The following GSTA1 variants were observed in gnomAD, a reference collection of about 807,000 sequenced individuals.
GSTA1 encodes the protein glutathione S-transferase alpha 1.
Under a neutral mutation model 21.5 loss-of-function variants are expected in GSTA1, and 23 were observed. That is an observed-to-expected ratio of 1.07 (90% CI 0.77 to 1.52). The LOEUF (loss-of-function observed/expected upper bound fraction) is 1.52, where lower values mean the gene tolerates loss of function less well. GSTA1 is among the 40% of genes most tolerant of loss of function. The pLI is 0.00. For synonymous variants in GSTA1, 125 were observed against 90.0 expected, an observed-to-expected ratio of 1.39 and a Z score of -2.20; for missense variants, 301 against 264.2, an observed-to-expected ratio of 1.14 and a Z score of -0.96.
rs530976533 is a variant in GSTA1 at position 52,792,350 on chromosome 6, T to A, written c.547-370A>T. 2.0e-5 allele frequency among the ~76,000 whole-genome samples: 3 copies of A among 152,202 alleles called. No homozygotes were observed. The South Asian group carries it at 6.2e-4, about 32-fold the overall frequency. ...ATGGGGAAATTATTTGGGAAGGGAA[T>A]AGTTATAGAAAATATTAAAGACAAA... is the stretch of plus-strand genomic sequence containing the variant. On this transcript the variant is annotated intron_variant, in intron 6 of 6. Transcript: ENST00000334575.
rs779192203 is a variant in GSTA1 at position 52,799,179 on chromosome 6, A to C, written c.87+2T>G. The C allele has an allele frequency of 1.1e-5, 17 of 1,613,178 alleles. No homozygotes were observed. The highest frequency in any genetic ancestry group is 1.4e-5 in the Non-Finnish European group (17 of 1,179,366). ...CTTAAGATGACCTAACTCAGAACCT[A>C]CCTCTACTCCAGCTGCAGCCAGGAG... is the stretch of plus-strand genomic sequence containing the variant. On this transcript the variant is annotated splice_donor_variant, in intron 2 of 6. Coordinates refer to ENST00000334575, the MANE Select transcript of GSTA1 (RefSeq NM_145740.5). LOFTEE classifies it high-confidence loss of function.
rs699335 is a variant in GSTA1, at chr6:52,791,826, A to G, written c.*32T>C. On this transcript the variant is annotated 3_prime_UTR_variant, in exon 7 of 7. Transcript: ENST00000334575. Reference sequence around the variant, plus strand: ...TGTTGCAAAACTTTAGAACATTGGTATTGCAAGTTCTTGGCCTCCATGACT... The same window carrying G: ...TGTTGCAAAACTTTAGAACATTGGTGTTGCAAGTTCTTGGCCTCCATGACT... 6.2e-7 allele frequency: 1 copy of G among 1,612,912 alleles called. No individual in the cohort carries two copies. Among genetic ancestry groups the G allele is most frequent in the African/African-American group, 1.3e-5 (1 of 74,830 alleles).
rs1348988867 is a variant in GSTA1, at chr6:52,794,285, C to A, written c.273-19G>T. The A allele has an allele frequency of 3.1e-6, 5 of 1,603,468 alleles. No individual in the cohort carries two copies. The highest frequency in any genetic ancestry group is 4.3e-6 in the Non-Finnish European group (5 of 1,174,034). On this transcript the variant is annotated intron_variant, in intron 4 of 6. Transcript: ENST00000334575. The stretch of plus-strand genomic sequence containing the variant: ...ATCAATCCTGAAAGACAGAAACAAC[C>A]AAATGGTCAAATACCTTTTGCCTTA...
rs1763489895 is a variant in GSTA1 at position 52,792,849 on chromosome 6, G to A, written c.546+7C>T. The A allele has an allele frequency of 1.9e-6, 3 of 1,613,848 alleles. No homozygotes were observed. The highest frequency in any genetic ancestry group is 1.3e-5 in the African/African-American group (1 of 75,024). The stretch of plus-strand genomic sequence containing the variant: ...GGGCTGCCTCTCTGGGCTGTGAAAT[G>A]GGTCACCTTCAGCAGAGGGAAGCTG... On this transcript the variant is annotated splice_region_variant and intron_variant, in intron 6 of 6. Coordinates refer to ENST00000334575, the MANE Select transcript of GSTA1 (RefSeq NM_145740.5).
intron 1 of GSTA1, among the ~76,000 whole-genome samples, chr6:52,799,814 C>T (rs1763671197): frequency 1.3e-5 from 2 of 152,320 alleles, no homozygotes; most frequent in African/African-American, 2.4e-5. Flanking sequence ...AATGAAGTCA[C>T]TCCTGGAAGC....
chr6:52,796,507 G>A (rs1357740354), intron 3 of GSTA1, among the ~76,000 whole-genome samples, 193 bp from the exon 4 acceptor site: 23 of 6,054 alleles, frequency 3.8e-3, no homozygotes, highest in Middle Eastern at 0.056. Context: ...GTGTGTGTGT[G>A]TGTGTGTGTG....
chr6:52,796,033 T>C, intron 4 of GSTA1, 149 bp downstream of exon 4: 11 of 1,142,048 alleles, frequency 9.6e-6, no homozygotes, highest in Non-Finnish European at 1.4e-5. Context: ...CTCATCTCCA[T>C]GGGACTCTGC....
Position 52,792,080 on chromosome 6 carries a change from G to A in GSTA1, c.547-100C>T, listed in dbSNP as rs113275844. The A allele has an allele frequency of 5.6e-4, 858 of 1,527,034 alleles. 4 individuals carry two copies. In the African/African-American group the frequency reaches 0.011, roughly 19 times the overall value. 94.6% of individuals were successfully genotyped at this position (1,527,034 alleles called of 1,614,324 possible). A position where few individuals can be genotyped will look rare whatever the true frequency, so the allele number is the denominator to read the frequency against. On this transcript the variant is annotated intron_variant, in intron 6 of 6. Transcript: ENST00000334575. ...AGCCCCTCCTGCAAAGACCAAGTGA[G>A]TCTGCTCCATCAGCACAAGCATGGA...
chr6:52,792,785 C>A, intron 6 of GSTA1, 71 bp downstream of exon 6: 1 of 1,611,898 alleles, frequency 6.2e-7, no homozygotes, highest in South Asian at 1.1e-5. Context: ...CTTGGTCAGT[C>A]GCAGGGCCCA....
intron 1 of GSTA1, among the ~76,000 whole-genome samples, chr6:52,800,958 T>G (rs1763701156): frequency 6.6e-6 from 1 of 152,206 alleles, no homozygotes; most frequent in Non-Finnish European, 1.5e-5. Flanking sequence ...CTTGGCTCAC[T>G]GCAAACTCAG....
At chr6:52,802,505 G>C (rs907939803) in intron 1 of GSTA1, among the ~76,000 whole-genome samples, 1 of 152,188 alleles carries the variant, frequency 6.6e-6, no homozygotes, top group African/African-American at 2.4e-5. Flanking sequence ...ACAGCAATGG[G>C]TGTTTGCTCT....
At chr6:52,797,767 G>T (rs530174101) in intron 2 of GSTA1, 130 bp from the exon 3 acceptor site, 63 of 722,376 alleles carry the variant, frequency 8.7e-5, no homozygotes, top group Middle Eastern at 7.5e-4. Flanking sequence ...CACAGAGGGG[G>T]CTGGTCATGG....
chr6:52,800,265 G>A (rs975822184), intron 1 of GSTA1, among the ~76,000 whole-genome samples: 11 of 152,168 alleles, frequency 7.2e-5, no homozygotes, highest in African/African-American at 2.7e-4. Flanking sequence ...GGTTTTTAAA[G>A]TAACTTTCTC....
At chr6:52,797,460 A>G in intron 3 of GSTA1, 126 bp downstream of exon 3, 1 of 641,962 alleles carries the variant, frequency 1.6e-6, no homozygotes, top group Non-Finnish European at 2.8e-6. Flanking sequence ...CATTTTAACC[A>G]CTTTCTCCCT....
intron 4 of GSTA1, among the ~76,000 whole-genome samples, chr6:52,795,462 C>T (rs9463833): frequency 0.44 from 66,665 of 151,866 alleles, 17,115 homozygotes; most frequent in East Asian, 0.7. Flanking sequence ...GATGTATTTT[C>T]GATTATTTGG....
chr6:52,792,716 C>A, intron 6 of GSTA1, 140 bp downstream of exon 6: 1 of 1,595,144 alleles, frequency 6.3e-7, no homozygotes, highest in Non-Finnish European at 8.5e-7. Context: ...AAATTGGAGC[C>A]TGGAAGCTCA....
chr6:52,794,352 G>A, intron 4 of GSTA1, 86 bp from the exon 5 acceptor site: 4 of 1,368,378 alleles, frequency 2.9e-6, no homozygotes, highest in Non-Finnish European at 4.0e-6. Flanking sequence ...TAGAGTATCA[G>A]GTGATGGCAA....
Position 52,791,787 on chromosome 6 carries a change from G to A in GSTA1, c.*71C>T. ...CACAACAGGCACAATCAACACTTAG[G>A]TAAAGTACTTTATTGTTGCAAAACT... On this transcript the variant is annotated 3_prime_UTR_variant, in exon 7 of 7. Transcript: ENST00000334575. 6.3e-7 allele frequency: 1 copy of A among 1,575,092 alleles called. No homozygotes were observed. Among genetic ancestry groups the A allele is most frequent in the Non-Finnish European group, 8.7e-7 (1 of 1,148,116 alleles).
intron 1 of GSTA1, among the ~76,000 whole-genome samples, chr6:52,800,031 TGC>T (rs1763677709): frequency 6.6e-6 from 1 of 151,342 alleles, no homozygotes; most frequent in African/African-American, 2.5e-5. Context: ...TGTTAATCCC[TGC>T]AGCTTTTGTA....
Sources: gnomAD v4.1 joint callset for allele counts (sites outside exome capture counted in the v4.1 genomes callset) on GRCh38, gnomAD v4.1.1 for gene constraint, MANE v1.5 for transcripts, NCBI Gene and HGNC (gene_info 2026-07-23, HGNC 2026-07-21) for gene names.